The following GRM1 variants were observed in gnomAD, a reference collection of about 807,000 sequenced individuals.
The protein encoded by GRM1 is glutamate metabotropic receptor 1, also known as metabotropic glutamate receptor 1.
A neutral mutation model predicts 90.9 loss-of-function variants in GRM1; 33 were observed. The ratio of observed to expected loss-of-function variants is 0.36; its 90% confidence interval spans 0.28 to 0.49. The LOEUF (loss-of-function observed/expected upper bound fraction) is 0.49. GRM1 is among the 20% of genes least tolerant of loss of function. The pLI is 0.99. For missense variants in GRM1, 1,190 were observed against 1,534.3 expected, an observed-to-expected ratio of 0.78 and a Z score of 3.75; for synonymous variants, 700 against 613.2, an observed-to-expected ratio of 1.14 and a Z score of -2.09.
At chr6:146,178,434 A>G (rs1041129601) in intron 2 of GRM1, among the ~76,000 whole-genome samples, 4 of 152,236 alleles carry the variant, frequency 2.6e-5, no homozygotes, top group Admixed American at 2.6e-4. Flanking sequence ...TTTTCTAAAC[A>G]CAATGAAATA....
chr6:146,271,118 C>T (rs991883444), intron 2 of GRM1, among the ~76,000 whole-genome samples: 11 of 151,846 alleles, frequency 7.2e-5, no homozygotes, highest in Non-Finnish European at 1.3e-4. Flanking sequence ...AATTCTCCTG[C>T]CTCAACCTGC....
At chr6:146,383,339 T>A (rs1269996058) in intron 5 of GRM1, among the ~76,000 whole-genome samples, 1 of 152,168 alleles carries the variant, frequency 6.6e-6, no homozygotes, top group Non-Finnish European at 1.5e-5. Flanking sequence ...TTTGAATTTG[T>A]CTAATTAGCA....
intron 3 of GRM1, among the ~76,000 whole-genome samples, chr6:146,306,462 T>C (rs1218662639): frequency 6.6e-6 from 1 of 152,276 alleles, no homozygotes; most frequent in South Asian, 2.1e-4. Context: ...TTAGACTTAG[T>C]ATTTGGTAAT....
intron 7 of GRM1, among the ~76,000 whole-genome samples, chr6:146,430,879 T>A (rs2206959): frequency 0.67 from 101,549 of 152,106 alleles, 35,963 homozygotes; most frequent in African/African-American, 0.92. Flanking sequence ...TGAATAACAC[T>A]CTTTATCATA....
chr6:146,388,780 G>A (rs1583426815), intron 6 of GRM1, among the ~76,000 whole-genome samples: 1 of 152,070 alleles, frequency 6.6e-6, no homozygotes, highest in East Asian at 1.9e-4. Flanking sequence ...CACCCATTGA[G>A]AAACACCACT....
At chr6:146,247,139 G>A (rs887624530) in intron 2 of GRM1, among the ~76,000 whole-genome samples, 6 of 152,126 alleles carry the variant, frequency 3.9e-5, no homozygotes, top group Non-Finnish European at 1.5e-5. Context: ...TGTAACACAC[G>A]GCCCTCAGTA....
At chr6:146,307,497 T>A (rs1346744460) in intron 3 of GRM1, among the ~76,000 whole-genome samples, 1 of 152,220 alleles carries the variant, frequency 6.6e-6, no homozygotes, top group Non-Finnish European at 1.5e-5. Flanking sequence ...TCTTCGGTTT[T>A]AATCTCTATA....
intron 2 of GRM1, among the ~76,000 whole-genome samples, chr6:146,225,630 A>G (rs1366680797): frequency 6.6e-6 from 1 of 152,148 alleles, no homozygotes; most frequent in Admixed American, 6.6e-5. Flanking sequence ...TAATATTCTT[A>G]TTTGGAAAAT....
At chr6:146,136,849 C>CTTTTTT (rs57774648) in intron 1 of GRM1, among the ~76,000 whole-genome samples, 27 of 90,960 alleles carry the variant, frequency 3.0e-4, no homozygotes, top group Admixed American at 4.5e-4. Context: ...TGTACAGAAG[C>CTTTTTT]TTTTTTTTTT....
At chr6:146,268,391 T>C (rs563414257) in intron 2 of GRM1, among the ~76,000 whole-genome samples, 12 of 152,340 alleles carry the variant, frequency 7.9e-5, no homozygotes, top group African/African-American at 2.9e-4. Context: ...CCTGGTGCTG[T>C]TTCTTCTGGG....
intron 2 of GRM1, among the ~76,000 whole-genome samples, chr6:146,224,407 C>T: frequency 6.6e-6 from 1 of 152,074 alleles, no homozygotes; most frequent in African/African-American, 2.4e-5. Flanking sequence ...CTAATCTTAT[C>T]CTAACAACAG....
intron 2 of GRM1, among the ~76,000 whole-genome samples, chr6:146,237,713 A>G (rs1273149667): frequency 1.3e-5 from 2 of 152,258 alleles, no homozygotes; most frequent in Admixed American, 1.3e-4. Flanking sequence ...GAGTTTGATC[A>G]GTGTCATTGG....
chr6:146,308,064 T>C (rs1783642201), intron 3 of GRM1, among the ~76,000 whole-genome samples: 1 of 152,126 alleles, frequency 6.6e-6, no homozygotes, highest in South Asian at 2.1e-4. Flanking sequence ...CAAATCAGAG[T>C]CACTCTCTTC....
At chr6:146,120,607 G>C (rs746584280) in intron 1 of GRM1, among the ~76,000 whole-genome samples, 73 of 152,236 alleles carry the variant, frequency 4.8e-4, no homozygotes, top group Non-Finnish European at 9.0e-4. Flanking sequence ...TTTGAGATAC[G>C]TCCCATCAAT....
chr6:146,146,689 G>A (rs542323759), intron 1 of GRM1, among the ~76,000 whole-genome samples: 107 of 152,272 alleles, frequency 7.0e-4, no homozygotes, highest in African/African-American at 5.8e-4. Context: ...GCCTGAGCTA[G>A]CATGTTAGCA....
chr6:146,173,668 C>CT (rs555503367), intron 2 of GRM1, among the ~76,000 whole-genome samples: 34,771 of 134,382 alleles, frequency 0.26, 7,795 homozygotes, highest in African/African-American at 0.61. Context: ...TCCTGAGGTT[C>CT]TTTTTTTTTT....
At chr6:146,145,333 T>C (rs1777053707) in intron 1 of GRM1, among the ~76,000 whole-genome samples, 1 of 152,146 alleles carries the variant, frequency 6.6e-6, no homozygotes, top group Non-Finnish European at 1.5e-5. Flanking sequence ...CAAAGGTATT[T>C]CAGATATCTT....
chr6:146,151,317 C>T (rs370679995), intron 1 of GRM1, among the ~76,000 whole-genome samples: 1 of 152,270 alleles, frequency 6.6e-6, no homozygotes, highest in East Asian at 1.9e-4. Context: ...CCCTGATTTA[C>T]TGATGTGTAA....
rs140100590 is a variant in GRM1, at chr6:146,412,255, C to T, written c.2660+12556C>T. ...CTGTTTAATATAAGCCTTATCCTAGCTGACATATCGTTCTTTCAGGGGCAG... is the reference window on the plus strand; with the variant it reads ...CTGTTTAATATAAGCCTTATCCTAGTTGACATATCGTTCTTTCAGGGGCAG... On this transcript the variant is annotated intron_variant, in intron 7 of 7. Coordinates refer to ENST00000282753, the MANE Select transcript of GRM1 (RefSeq NM_001278064.2). 7.9e-5 allele frequency among the ~76,000 whole-genome samples: 12 copies of T among 152,272 alleles called. No individual in the cohort carries two copies. In the East Asian group the frequency reaches 1.9e-3, roughly 25 times the overall value.
Sources: gnomAD v4.1 joint callset for allele counts (sites outside exome capture counted in the v4.1 genomes callset) on GRCh38, gnomAD v4.1.1 for gene constraint, MANE v1.5 for transcripts, NCBI Gene and HGNC (gene_info 2026-07-23, HGNC 2026-07-21) for gene names.